The following KCTD8 variants were observed in gnomAD, a reference collection of about 807,000 sequenced individuals.
The protein encoded by KCTD8 is BTB/POZ domain-containing protein KCTD8.
Under a neutral mutation model 31.5 loss-of-function variants are expected in KCTD8, and 27 were observed. The ratio of observed to expected loss-of-function variants is 0.86; its 90% CI spans 0.63 to 1.18. The LOEUF (loss-of-function observed/expected upper bound fraction) is 1.18, where lower values mean the gene tolerates loss of function less well. Among genes scored for constraint, KCTD8 ranks in the 50% most tolerant of loss-of-function variants. KCTD8 has a pLI of 0.00. For missense variants in KCTD8, 658 were observed against 647.7 expected (o/e 1.02, Z -0.17); for synonymous variants, 290 against 280.0 (o/e 1.04, Z -0.36).
chr4:44,377,345 C>T (rs1719941640), intron 1 of KCTD8, among the ~76,000 whole-genome samples: 1 of 152,134 alleles, frequency 6.6e-6, no homozygotes, highest in African/African-American at 2.4e-5. Flanking sequence ...GAGAAGCGCC[C>T]TTTCTGGGCC....
At chr4:44,392,572 A>G (rs902206801) in intron 1 of KCTD8, among the ~76,000 whole-genome samples, 2 of 151,956 alleles carry the variant, frequency 1.3e-5, no homozygotes, top group Admixed American at 6.6e-5. Context: ...GCCAATATTC[A>G]TAAGCATCTA....
intron 1 of KCTD8, among the ~76,000 whole-genome samples, chr4:44,268,845 ACC>A (rs1260860022): frequency 2.0e-5 from 3 of 151,756 alleles, no homozygotes; most frequent in African/African-American, 7.2e-5. Flanking sequence ...GATGTGAAGG[ACC>A]TCTTCAAGGA....
chr4:44,366,427 G>A (rs1319405304), intron 1 of KCTD8, among the ~76,000 whole-genome samples: 11 of 152,180 alleles, frequency 7.2e-5, no homozygotes, highest in Non-Finnish European at 1.0e-4. Context: ...TTCCCCCTTC[G>A]CTCTCTCTAT....
At chr4:44,308,085 A>G (rs1717853197) in intron 1 of KCTD8, among the ~76,000 whole-genome samples, 1 of 152,016 alleles carries the variant, frequency 6.6e-6, no homozygotes, top group South Asian at 2.1e-4. Flanking sequence ...TAGGTACAAT[A>G]TTATCCCTTA....
At position 44,174,715 on chromosome 4, in the gene KCTD8, T is replaced by C. The variant is rs1713146560; in HGVS notation, c.*75A>G. The C allele has an allele frequency of 9.2e-7, 1 of 1,090,000 alleles. No individual in the cohort carries two copies. The allele number at this position is 1,090,000 out of a possible 1,614,324, so 67.5% of individuals were successfully genotyped here. ...GCAGCAAGAATCACACTGACCATTG[T>C]TAGGACATCAGTCAGGTGGTGACAC... On this transcript the variant is annotated 3_prime_UTR_variant, in exon 2 of 2. Transcript: ENST00000360029.
chr4:44,361,546 G>A (rs1194938929), intron 1 of KCTD8, among the ~76,000 whole-genome samples: 2 of 152,052 alleles, frequency 1.3e-5, no homozygotes, highest in African/African-American at 4.8e-5. Flanking sequence ...CATTTCTGCT[G>A]TTAGTCAATT....
intron 1 of KCTD8, among the ~76,000 whole-genome samples, chr4:44,435,479 G>A (rs1721620681): frequency 6.6e-6 from 1 of 151,630 alleles, no homozygotes; most frequent in Admixed American, 6.6e-5. Flanking sequence ...ATATTCTCCA[G>A]GTATTTTTTA....
chr4:44,356,166 T>C (rs998930138), intron 1 of KCTD8, among the ~76,000 whole-genome samples: 1 of 152,180 alleles, frequency 6.6e-6, no homozygotes. Flanking sequence ...AATTTGACTA[T>C]AGCTTAAAAG....
chr4:44,393,463 C>A, intron 1 of KCTD8, among the ~76,000 whole-genome samples: 1 of 149,454 alleles, frequency 6.7e-6, no homozygotes. Flanking sequence ...TAAATTATGC[C>A]AATAACGTTG....
intron 1 of KCTD8, among the ~76,000 whole-genome samples, chr4:44,409,802 G>C (rs1720906700): frequency 6.8e-6 from 1 of 146,584 alleles, no homozygotes; most frequent in Admixed American, 6.8e-5. Flanking sequence ...TTAAAAAAAA[G>C]TAATGAGAGG....
At chr4:44,220,204 T>G (rs1016243823) in intron 1 of KCTD8, among the ~76,000 whole-genome samples, 1 of 152,122 alleles carries the variant, frequency 6.6e-6, no homozygotes, top group Admixed American at 6.6e-5. Context: ...GAAGATGGGA[T>G]ATAGAGTGGG....
At chr4:44,375,572 T>C (rs1026336789) in intron 1 of KCTD8, among the ~76,000 whole-genome samples, 3 of 152,142 alleles carry the variant, frequency 2.0e-5, no homozygotes, top group Admixed American at 1.3e-4. Context: ...ATAGGATCTG[T>C]ATCTTCAGAT....
intron 1 of KCTD8, among the ~76,000 whole-genome samples, chr4:44,339,258 A>T (rs552527754): frequency 1.3e-5 from 2 of 152,296 alleles, no homozygotes; most frequent in South Asian, 4.1e-4. Flanking sequence ...AATCCCTCAA[A>T]TCACAAAATA....
At chr4:44,263,379 T>C (rs1478726948) in intron 1 of KCTD8, among the ~76,000 whole-genome samples, 2 of 152,116 alleles carry the variant, frequency 1.3e-5, no homozygotes, top group Non-Finnish European at 2.9e-5. Context: ...ATTGAATCAA[T>C]ACTTAATGAG....
At chr4:44,373,146 C>T (rs1448243934) in intron 1 of KCTD8, among the ~76,000 whole-genome samples, 4 of 151,962 alleles carry the variant, frequency 2.6e-5, no homozygotes, top group East Asian at 1.9e-4. Flanking sequence ...GGGTGGATCA[C>T]GAGGTCAGGA....
In KCTD8 at chr4:44,274,342, T is replaced by C. The variant is rs187598931; in HGVS notation, c.962-99092A>G. Among the ~76,000 whole-genome samples, 8 of 152,040 alleles carry C rather than the reference T, an allele frequency of 5.3e-5. No individual in the cohort carries two copies. In the East Asian group the frequency reaches 1.5e-3, roughly 29 times the overall value. ...AAAGGTAATCAACTTAATTTGATAT[T>C]ATAATGGTGCAAAAGTAATTGCAGT... On this transcript the variant is annotated intron_variant, in intron 1 of 1. Transcript: ENST00000360029.
At chr4:44,425,535 T>C (rs927288439) in intron 1 of KCTD8, among the ~76,000 whole-genome samples, 8 of 152,036 alleles carry the variant, frequency 5.3e-5, no homozygotes, top group African/African-American at 1.9e-4. Context: ...GTGTGTCTTT[T>C]TGCCACTTAA....
intron 1 of KCTD8, among the ~76,000 whole-genome samples, chr4:44,445,303 C>A (rs756665174): frequency 2.0e-5 from 3 of 152,176 alleles, no homozygotes; most frequent in Non-Finnish European, 4.4e-5. Context: ...CCTGGTTGAT[C>A]AACGACTAGC....
intron 1 of KCTD8, among the ~76,000 whole-genome samples, chr4:44,376,892 G>A (rs1719927557): frequency 6.6e-6 from 1 of 152,142 alleles, no homozygotes; most frequent in South Asian, 2.1e-4. Flanking sequence ...CAAGCGGCAT[G>A]GAAAGATGTA....
Sources: allele counts gnomAD v4.1 joint callset (sites outside exome capture counted in the v4.1 genomes callset), GRCh38; gene constraint gnomAD v4.1.1; transcripts MANE v1.5; gene names NCBI Gene and HGNC (gene_info 2026-07-23, HGNC 2026-07-21).